Variants in DISC1 observed in about 807,000 individuals in gnomAD.
DISC1 encodes disrupted in schizophrenia 1 protein.
In DISC1, 57 loss-of-function variants were observed where a neutral mutation model predicts 84.5. The ratio of observed to expected loss-of-function variants is 0.67; its 90% confidence interval spans 0.55 to 0.84. DISC1 has a LOEUF of 0.84. Ranked by LOEUF, DISC1 falls within the 40% of genes least tolerant of loss-of-function variation. The pLI, the probability that DISC1 is intolerant of heterozygous loss-of-function variation, is 0.00. For missense variants in DISC1, 1,000 were observed against 1,057.8 expected, an observed-to-expected ratio of 0.95 and a Z score of 0.76; for synonymous variants, 411 against 415.2, an observed-to-expected ratio of 0.99 and a Z score of 0.12.
At chr1:231,727,442 G>A (rs1273033909) in intron 3 of DISC1, among the ~76,000 whole-genome samples, 1 of 152,110 alleles carries the variant, frequency 6.6e-6, no homozygotes, top group African/African-American at 2.4e-5. Flanking sequence ...AGCGAGTTTA[G>A]GACAGGGGGC....
At chr1:231,896,884 A>T (rs1255461983) in intron 9 of DISC1, among the ~76,000 whole-genome samples, 3 of 152,212 alleles carry the variant, frequency 2.0e-5, no homozygotes, top group Non-Finnish European at 4.4e-5. Context: ...TAACAATTCC[A>T]TAGAAGATTT....
In DISC1 at chr1:231,698,439, G is replaced by A. The variant is rs907042404; in HGVS notation, c.1048-3516G>A. ...GGGGAAGTGGAGTGGGCCCTGCAAGGTAGGCTCCACCTAAGGCCATGGAAA... is the reference window on the plus strand; with the variant it reads ...GGGGAAGTGGAGTGGGCCCTGCAAGATAGGCTCCACCTAAGGCCATGGAAA... On this transcript the variant is annotated intron_variant, in intron 2 of 12. Transcript: ENST00000439617. This position sits in a 1 kb window ranked among gnomAD's most constrained non-coding sequence, Gnocchi z 4.9. 3.3e-5 allele frequency among the ~76,000 whole-genome samples: 5 copies of A among 152,142 alleles called. No homozygotes were observed. Among genetic ancestry groups the A allele is most frequent in the Non-Finnish European group, 7.4e-5 (5 of 68,016 alleles).
intron 9 of DISC1, among the ~76,000 whole-genome samples, chr1:231,849,211 C>T (rs1251461810): frequency 6.6e-6 from 1 of 151,606 alleles, no homozygotes; most frequent in African/African-American, 2.4e-5. Flanking sequence ...ACCTCTGCCT[C>T]CCAGGTTCAA....
At chr1:231,804,025 C>A (rs1416297594) in intron 8 of DISC1, among the ~76,000 whole-genome samples, 1 of 149,178 alleles carries the variant, frequency 6.7e-6, no homozygotes, top group Non-Finnish European at 1.5e-5. Context: ...AGCATCACTT[C>A]TGCTTAGTGA....
intron 9 of DISC1, among the ~76,000 whole-genome samples, chr1:231,926,627 A>G (rs1480298473): frequency 2.0e-5 from 3 of 152,236 alleles, no homozygotes; most frequent in Non-Finnish European, 2.9e-5. Flanking sequence ...TGACATTTTC[A>G]GTGGCTACTT....
In DISC1 at chr1:231,694,899, T is replaced by A. The variant is rs2065452751; in HGVS notation, c.1047+94T>A. 2.6e-6 allele frequency: 4 copies of A among 1,540,628 alleles called. No homozygotes were observed. The Admixed American group carries it at 7.7e-5, about 30-fold the overall frequency. ...GGAAACGAGGGGTTCTGGGCTCAAC[T>A]GACTTCCTCCTGGAAGCTGCAGCAG... On this transcript the variant is annotated intron_variant, in intron 2 of 12. Transcript: ENST00000439617.
At chr1:231,718,805 C>T (rs2069161846) in intron 3 of DISC1, among the ~76,000 whole-genome samples, 1 of 152,182 alleles carries the variant, frequency 6.6e-6, no homozygotes, top group Admixed American at 6.5e-5. Context: ...AGTACCTCTG[C>T]CTGCACTTAC....
At chr1:231,631,369 T>G (rs949324834) in intron 1 of DISC1, among the ~76,000 whole-genome samples, 3 of 152,240 alleles carry the variant, frequency 2.0e-5, no homozygotes, top group Admixed American at 6.5e-5. Context: ...TTTAATGTTA[T>G]TTTGTGTACT....
chr1:231,701,150 A>C (rs1408735068), intron 2 of DISC1, among the ~76,000 whole-genome samples: 1 of 152,228 alleles, frequency 6.6e-6, no homozygotes, highest in East Asian at 1.9e-4. Context: ...AGAAAGGCAC[A>C]TCTTACACAG....
intron 9 of DISC1, among the ~76,000 whole-genome samples, chr1:231,892,291 A>G (rs2087293710): frequency 6.6e-6 from 1 of 152,218 alleles, no homozygotes; most frequent in Non-Finnish European, 1.5e-5. Context: ...TTTCCCATTA[A>G]GCATGAAACA....
intron 11 of DISC1, among the ~76,000 whole-genome samples, chr1:232,023,413 C>G (rs1020462722): frequency 2.0e-5 from 3 of 152,110 alleles, no homozygotes; most frequent in Non-Finnish European, 4.4e-5. Flanking sequence ...GATAGGCATT[C>G]TTCCATGCTT....
At chr1:231,685,704 G>A (rs910409387) in intron 1 of DISC1, among the ~76,000 whole-genome samples, 1 of 152,098 alleles carries the variant, frequency 6.6e-6, no homozygotes, top group African/African-American at 2.4e-5. Context: ...GCCTGCCTCG[G>A]CCTCCCAAAG....
intron 1 of DISC1, among the ~76,000 whole-genome samples, chr1:231,634,781 C>A (rs528658411): frequency 1.3e-5 from 2 of 152,248 alleles, no homozygotes; most frequent in Admixed American, 1.3e-4. Flanking sequence ...CATGGTGGTG[C>A]ATGCCTATAG....
At chr1:232,020,613 G>A (rs897504113) in intron 11 of DISC1, among the ~76,000 whole-genome samples, 6 of 152,220 alleles carry the variant, frequency 3.9e-5, no homozygotes, top group South Asian at 2.1e-4. Context: ...ATAACCCAAG[G>A]CAGAGCCTCC....
intron 11 of DISC1, among the ~76,000 whole-genome samples, chr1:232,011,161 C>A (rs1323366626): frequency 1.3e-5 from 2 of 152,148 alleles, no homozygotes; most frequent in African/African-American, 4.8e-5. Context: ...CGTTTTCCTG[C>A]ATAGCATTAT....
intron 9 of DISC1, among the ~76,000 whole-genome samples, chr1:231,916,683 G>A (rs1316144126): frequency 1.3e-5 from 2 of 149,726 alleles, no homozygotes; most frequent in African/African-American, 4.9e-5. Context: ...AGAAAGTTCC[G>A]AAGAGTTGCC....
chr1:231,921,654 T>A (rs1290953292), intron 9 of DISC1, among the ~76,000 whole-genome samples: 1 of 152,190 alleles, frequency 6.6e-6, no homozygotes, highest in Non-Finnish European at 1.5e-5. Context: ...CTATTTGCCC[T>A]TTCTGCTCCT....
At chr1:231,702,341 T>C in intron 3 of DISC1, 6 of 1,051,288 alleles carry the variant, frequency 5.7e-6, no homozygotes, top group Non-Finnish European at 6.9e-6. Flanking sequence ...CACTTGTTCA[T>C]AAAAAATATT....
At chr1:231,718,591 C>A (rs1326360422) in intron 3 of DISC1, among the ~76,000 whole-genome samples, 2 of 152,158 alleles carry the variant, frequency 1.3e-5, no homozygotes, top group African/African-American at 4.8e-5. Context: ...CATGTGCCAC[C>A]ACACCTGGCA....
Sources: allele counts gnomAD v4.1 joint callset (sites outside exome capture counted in the v4.1 genomes callset), GRCh38; gene constraint gnomAD v4.1.1; non-coding constraint Gnocchi (gnomAD v3.1); transcripts MANE v1.5; gene names NCBI Gene and HGNC (gene_info 2026-07-23, HGNC 2026-07-21).